The following ISX variants were observed in gnomAD, a reference collection of about 807,000 sequenced individuals.
ISX encodes intestine-specific homeobox.
In ISX, 15 loss-of-function variants were observed where a neutral mutation model predicts 16.9. The ratio of observed to expected loss-of-function variants is 0.89; its 90% CI spans 0.59 to 1.36. ISX has a LOEUF of 1.36. Ranked by LOEUF, ISX falls within the 40% of genes most tolerant of loss-of-function variation. The pLI is 0.00. For missense variants in ISX, 316 were observed against 306.1 expected, an observed-to-expected ratio of 1.03 and a Z score of -0.24; for synonymous variants, 125 against 119.7, an observed-to-expected ratio of 1.04 and a Z score of -0.29.
Position 35,085,575 on chromosome 22 carries a change from A to G in ISX, c.620A>G (p.His207Arg). ...FPAWITLLPA[H>R]PWETQPVPGL... Reference sequence around the variant, plus strand: ...GCCTGGATCACCCTCCTCCCAGCGCACCCATGGGAAACACAGCCTGTCCCA... The same window carrying G: ...GCCTGGATCACCCTCCTCCCAGCGCGCCCATGGGAAACACAGCCTGTCCCA... The change falls in exon 5 of 5, where the codon CAC becomes CGC. Residue 207 changes from histidine to arginine, a missense_variant. Transcript: ENST00000404699. 1 of 1,614,128 alleles carries G rather than the reference A, an allele frequency of 6.2e-7. No homozygotes were observed. Among genetic ancestry groups the G allele is most frequent in the Non-Finnish European group, 8.5e-7 (1 of 1,180,024 alleles).
rs896950277 is a variant in ISX at position 35,066,226 on chromosome 22, A to T, written c.-573A>T. The T allele has an allele frequency of 1.3e-5, 2 of 152,250 alleles. No homozygotes were observed. Among genetic ancestry groups the T allele is most frequent in the Admixed American group, 1.3e-4 (2 of 15,278 alleles). 9.4% of individuals were successfully genotyped at this position (152,250 alleles called of 1,614,324 possible). On this transcript the variant is annotated 5_prime_UTR_variant, in exon 1 of 5. In the 5' UTR this introduces an upstream ATG that the reference lacks. Transcript: ENST00000404699. ...GAGAAACAGCATAAAGGACCCCACAAGGAAGGGAGAGGTACCCTGGGTCAG... is the reference window on the plus strand; with the variant it reads ...GAGAAACAGCATAAAGGACCCCACATGGAAGGGAGAGGTACCCTGGGTCAG...
chr22:35,082,422 G>A, intron 2 of ISX, 96 bp from the exon 3 acceptor site: 2 of 1,200,458 alleles, frequency 1.7e-6, no homozygotes, highest in Non-Finnish European at 2.4e-6. Flanking sequence ...CTCGGGAGCA[G>A]CAGTGGGGTG....
At position 35,081,896 on chromosome 22, in the gene ISX, TG is replaced by T. The variant is rs1929130884; in HGVS notation, c.230-619del. Among the ~76,000 whole-genome samples the T allele has an allele frequency of 2.6e-5, 4 of 152,362 alleles. No individual in the cohort carries two copies. In the South Asian group the frequency reaches 8.3e-4, roughly 32 times the overall value. On this transcript the variant is annotated intron_variant, in intron 2 of 4. Coordinates refer to ENST00000404699, the MANE Select transcript of ISX (RefSeq NM_001303508.2). ...TAGGCCCCACATTTTCATCTTGCAC[TG>T]GGCCCCACAAATGATGTAGCCAGCC...
In ISX at chr22:35,084,444, C is replaced by A; in HGVS notation, c.443C>A (p.Ala148Asp). ...CAGGAGAAGATTGGCAACCTGGGGG[C>A]TCCACAGCAGCTGAGTGAAGCCAGT... ...RKQEKIGNLG[A>D]PQQLSEASVA... Residue 148 changes from alanine to aspartate, a missense_variant, in exon 4 of 5, where the codon GCT becomes GAT. Physicochemically the swap from Ala to Asp is moderately radical, Grantham distance 126. Transcript: ENST00000404699. 1 of 1,613,686 alleles carries A rather than the reference C, an allele frequency of 6.2e-7. No homozygotes were observed. Among genetic ancestry groups the A allele is most frequent in the Non-Finnish European group, 8.5e-7 (1 of 1,179,802 alleles).
In ISX at chr22:35,082,542, T is replaced by A. The variant is rs1406270887; in HGVS notation, c.254T>A (p.Val85Asp). 1 of 1,613,840 alleles carries A rather than the reference T, an allele frequency of 6.2e-7. No individual in the cohort carries two copies. The highest frequency in any genetic ancestry group is 1.3e-5 in the African/African-American group (1 of 74,868). ...GAAGGAAGGAAGAGCAAGCGGAGGG[T>A]TCGTACCACCTTCACCACTGAGCAG... ...PQEGRKSKRR[V>D]RTTFTTEQLH... Residue 85 changes from valine (V) to aspartate (D), a missense_variant, in exon 3 of 5, where the codon GTT becomes GAT. Transcript: ENST00000404699.
At chr22:35,084,336 A>G in intron 3 of ISX, 47 bp from the exon 4 acceptor site, 1 of 1,279,686 alleles carries the variant, frequency 7.8e-7, no homozygotes, top group Non-Finnish European at 1.1e-6. Context: ...GTGGTATTAG[A>G]TGGAGGAAAA....
chr22:35,081,691 G>A (rs1030230738), intron 2 of ISX, among the ~76,000 whole-genome samples: 7 of 152,144 alleles, frequency 4.6e-5, no homozygotes, highest in Admixed American at 1.3e-4. Flanking sequence ...TCTTCATGGG[G>A]TATCCATGAC....
intron 2 of ISX, among the ~76,000 whole-genome samples, chr22:35,081,212 C>A (rs1220141423): frequency 6.6e-6 from 1 of 152,078 alleles, no homozygotes; most frequent in Non-Finnish European, 1.5e-5. Context: ...AGAGGTGATC[C>A]CAGACCGAGG....
chr22:35,086,986 T>A lies in ISX; in HGVS notation c.*1293T>A, dbSNP rs971520555. ...CCTGCACCCCTGACCCACCCAGGAG[T>A]TGGACCGGGAGTTGGGAAGCCTAGG... is the stretch of plus-strand genomic sequence containing the variant. On this transcript the variant is annotated 3_prime_UTR_variant, in exon 5 of 5. Coordinates refer to ENST00000404699, the MANE Select transcript of ISX (RefSeq NM_001303508.2). 6.6e-6 allele frequency: 1 copy of A among 152,214 alleles called. No homozygotes were observed. The highest frequency in any genetic ancestry group is 1.5e-5 in the Non-Finnish European group (1 of 68,076). 9.4% of individuals were successfully genotyped at this position (152,214 alleles called of 1,614,324 possible).
chr22:35,077,493 A>G (rs1929014250), intron 2 of ISX, among the ~76,000 whole-genome samples: 1 of 151,808 alleles, frequency 6.6e-6, no homozygotes, highest in Admixed American at 6.6e-5. Flanking sequence ...GTCTCTCCCA[A>G]CACTGCTCTT....
At chr22:35,084,617 A>C in intron 4 of ISX, 118 bp downstream of exon 4, 1 of 610,142 alleles carries the variant, frequency 1.6e-6, no homozygotes, top group East Asian at 3.0e-5. Flanking sequence ...AGTGCAAGGA[A>C]AATTATATTA....
At chr22:35,073,779 A>G (rs978093515) in intron 2 of ISX, among the ~76,000 whole-genome samples, 2 of 152,244 alleles carry the variant, frequency 1.3e-5, no homozygotes, top group Non-Finnish European at 2.9e-5. Context: ...CTTGAGGTCT[A>G]GGAGCCAGAA....
rs1005621026 is a variant in ISX, at chr22:35,076,186, G to A, written c.230-6332G>A. Among the ~76,000 whole-genome samples the A allele has an allele frequency of 5.3e-5, 8 of 152,234 alleles. No individual in the cohort carries two copies. The East Asian group carries it at 9.7e-4, about 18-fold the overall frequency. On this transcript the variant is annotated intron_variant, in intron 2 of 4. Transcript: ENST00000404699. ...ATATTTGATTGATTTGAGCTTTGACGGATGAGTAGGAGTTCACCAGGCAAA... is the reference window on the plus strand; with the variant it reads ...ATATTTGATTGATTTGAGCTTTGACAGATGAGTAGGAGTTCACCAGGCAAA...
chr22:35,085,504 C>T lies in ISX; in HGVS notation c.549C>T (p.Ser183=). Residue 183 remains serine (S), a synonymous_variant, in exon 5 of 5, where the codon AGC becomes AGT. Transcript: ENST00000404699. ...TGCGCAGGCTGGCTCCTCCCACGAGCTGTTGTCCATCGGCTCAAGATCAGC... is the reference window on the plus strand; with the variant it reads ...TGCGCAGGCTGGCTCCTCCCACGAGTTGTTGTCCATCGGCTCAAGATCAGC... ...TALRRLAPPT[S]CCPSAQDQLA... is the part of the protein sequence containing the mutation. 1 of 1,614,194 alleles carries T rather than the reference C, an allele frequency of 6.2e-7. No homozygotes were observed. Among genetic ancestry groups the T allele is most frequent in the Non-Finnish European group, 8.5e-7 (1 of 1,180,024 alleles).
intron 2 of ISX, among the ~76,000 whole-genome samples, chr22:35,072,298 T>C (rs1013456132): frequency 6.6e-6 from 1 of 151,620 alleles, no homozygotes; most frequent in Admixed American, 6.6e-5. Context: ...TAGTGTGGGG[T>C]CCCCCAAAAA....
At chr22:35,077,803 C>A (rs8141873) in intron 2 of ISX, among the ~76,000 whole-genome samples, 2,638 of 152,282 alleles carry the variant, frequency 0.017, 82 homozygotes, top group African/African-American at 0.06. Context: ...CTTCTTCACC[C>A]CACCTCTAAA....
intron 2 of ISX, among the ~76,000 whole-genome samples, chr22:35,078,264 A>G (rs1171241098): frequency 6.6e-6 from 1 of 151,932 alleles, no homozygotes; most frequent in East Asian, 1.9e-4. Context: ...AGTAAATCCA[A>G]TACTATCAAG....
intron 2 of ISX, among the ~76,000 whole-genome samples, chr22:35,073,646 C>T (rs770828276): frequency 6.6e-6 from 1 of 152,154 alleles, no homozygotes; most frequent in Non-Finnish European, 1.5e-5. Flanking sequence ...TCAGAAAATG[C>T]TTCCCAGAGA....
chr22:35,085,124 T>C (rs1195621314), intron 4 of ISX, among the ~76,000 whole-genome samples: 3 of 152,060 alleles, frequency 2.0e-5, no homozygotes, highest in Non-Finnish European at 4.4e-5. Flanking sequence ...TGAGATGAGA[T>C]TTCTCATTTA....
Sources: gnomAD v4.1 joint callset for allele counts (sites outside exome capture counted in the v4.1 genomes callset) on GRCh38, gnomAD v4.1.1 for gene constraint, MANE v1.5 for transcripts, NCBI Gene and HGNC (gene_info 2026-07-23, HGNC 2026-07-21) for gene names.